SIK2: variants seen among roughly 807,000 people sequenced by gnomAD.
The protein encoded by SIK2 is salt inducible kinase 2.
In SIK2, 29 loss-of-function variants were observed where a neutral mutation model predicts 103.2. The observed-to-expected ratio is 0.28, with a 90% CI of 0.21 to 0.38. SIK2 has a LOEUF of 0.38. Ranked by LOEUF, SIK2 falls within the 10% of genes least tolerant of loss-of-function variation. The pLI is 1.00. For missense variants in SIK2, 879 were observed against 1,171.0 expected (o/e 0.75, Z 3.64); for synonymous variants, 412 against 446.1 (o/e 0.92, Z 0.96).
chr11:111,644,349 T>A (rs1487094827), intron 3 of SIK2, among the ~76,000 whole-genome samples: 2 of 151,790 alleles, frequency 1.3e-5, no homozygotes, highest in African/African-American at 2.4e-5. Flanking sequence ...AAATCCTTAT[T>A]TTCCTGAAAG....
intron 1 of SIK2, among the ~76,000 whole-genome samples, chr11:111,607,023 A>G (rs1326537971): frequency 6.6e-6 from 1 of 152,048 alleles, no homozygotes; most frequent in Admixed American, 6.6e-5. Flanking sequence ...AAAGATAACC[A>G]TAACTAGTTA....
At chr11:111,672,316 C>T (rs1261624406) in intron 3 of SIK2, 2 of 427,006 alleles carry the variant, frequency 4.7e-6, no homozygotes, top group East Asian at 5.1e-5. Flanking sequence ...GATGCAGGCA[C>T]CAGGCCTGCT....
chr11:111,678,449 A>T (rs949957311), intron 3 of SIK2, among the ~76,000 whole-genome samples: 5 of 152,162 alleles, frequency 3.3e-5, no homozygotes, highest in African/African-American at 1.2e-4. Context: ...TGATTCCATG[A>T]GGGAGAAAGC....
chr11:111,693,142 G>C lies in SIK2; in HGVS notation c.478+4980G>C, dbSNP rs1243102535. Among the ~76,000 whole-genome samples, 4 of 152,166 alleles carry C rather than the reference G, an allele frequency of 2.6e-5. No individual in the cohort carries two copies. The East Asian group carries it at 7.7e-4, about 29-fold the overall frequency. On this transcript the variant is annotated intron_variant, in intron 4 of 14. Transcript: ENST00000304987. ...AGGGCAGGATTTCGAGACCATCCTG[G>C]CCAACATGGTGAAACCCCGTCTCTA...
intron 9 of SIK2, chr11:111,718,995 TGCGGG>T (rs1244466922): frequency 6.6e-6 from 1 of 152,292 alleles, no homozygotes; most frequent in Non-Finnish European, 1.5e-5. Flanking sequence ...GGCCAATGCT[TGCGGG>T]GAGCTGTGCT....
chr11:111,620,248 A>G (rs1941865156), intron 2 of SIK2, 91 bp from the exon 3 acceptor site: 2 of 807,890 alleles, frequency 2.5e-6, no homozygotes, highest in Non-Finnish European at 4.1e-6. Flanking sequence ...TGATTCTTTT[A>G]TTAGTAGTTT....
At chr11:111,707,084 C>G (rs1360017126) in intron 8 of SIK2, among the ~76,000 whole-genome samples, 1 of 151,808 alleles carries the variant, frequency 6.6e-6, no homozygotes, top group East Asian at 1.9e-4. Flanking sequence ...AATGGTATTG[C>G]TTTCAAGACC....
At chr11:111,657,367 T>A (rs1364996385) in intron 3 of SIK2, among the ~76,000 whole-genome samples, 3 of 152,128 alleles carry the variant, frequency 2.0e-5, no homozygotes, top group African/African-American at 7.2e-5. Flanking sequence ...TTAATTAGAA[T>A]ATACTGGGGG....
Position 111,663,189 on chromosome 11 carries a change from C to T in SIK2, c.317-24812C>T, listed in dbSNP as rs549902579. 8.1e-5 allele frequency among the ~76,000 whole-genome samples: 12 copies of T among 147,798 alleles called. No individual in the cohort carries two copies. The South Asian group carries it at 2.6e-3, about 32-fold the overall frequency. ...TCTAGGCTGCAGTGAGTCGTGATCA[C>T]ACCACTGCACTCCAGCCTGGGCAAC... On this transcript the variant is annotated intron_variant, in intron 3 of 14. Transcript: ENST00000304987.
At chr11:111,614,620 T>C (rs1941778828) in intron 1 of SIK2, among the ~76,000 whole-genome samples, 1 of 152,150 alleles carries the variant, frequency 6.6e-6, no homozygotes, top group Admixed American at 6.6e-5. Flanking sequence ...TTGAGTGGGC[T>C]GAGGAGGAGG....
At chr11:111,608,385 C>T (rs1214513101) in intron 1 of SIK2, among the ~76,000 whole-genome samples, 1 of 152,076 alleles carries the variant, frequency 6.6e-6, no homozygotes, top group Non-Finnish European at 1.5e-5. Flanking sequence ...GATATGGTTT[C>T]CCCCAGTTAT....
rs1217039936 is a variant in SIK2 at position 111,626,374 on chromosome 11, C to CT, written c.316+5986dup. Among the ~76,000 whole-genome samples the CT allele has an allele frequency of 7.1e-3, 1,008 of 142,892 alleles. 10 individuals carry two copies. Among genetic ancestry groups the CT allele is most frequent in the African/African-American group, 0.022 (869 of 39,300 alleles). The allele number at this position is 142,892 out of a possible 152,430, so 93.7% of individuals were successfully genotyped here. On this transcript the variant is annotated intron_variant, in intron 3 of 14. Transcript: ENST00000304987. ...CTTGAAGCCCAGCAGAACTCATGATCTTTTTTTTTTTTTTACAAAACTATT... is the reference window on the plus strand; with the variant it reads ...CTTGAAGCCCAGCAGAACTCATGATCTTTTTTTTTTTTTTTACAAAACTATT...
intron 3 of SIK2, among the ~76,000 whole-genome samples, chr11:111,640,902 T>G (rs1191562637): frequency 6.6e-6 from 1 of 151,812 alleles, no homozygotes; most frequent in Admixed American, 6.6e-5. Context: ...CCTCGGCTAA[T>G]TTTTTGTATT....
intron 3 of SIK2, among the ~76,000 whole-genome samples, chr11:111,668,587 A>G (rs1942581505): frequency 6.6e-6 from 1 of 152,140 alleles, no homozygotes; most frequent in Non-Finnish European, 1.5e-5. Flanking sequence ...CAAATTAAAG[A>G]TGTCTTCAGT....
In SIK2 at chr11:111,666,948, TTTATTTATTTA is replaced by T. The variant is rs1217988659; in HGVS notation, c.317-21050_317-21040del. 8.4e-3 allele frequency among the ~76,000 whole-genome samples: 78 copies of T among 9,260 alleles called. 1 individual carries two copies. In the East Asian group the frequency reaches 0.5, roughly 59 times the overall value. 6.1% of individuals were successfully genotyped at this position (9,260 alleles called of 152,430 possible). A position where few individuals can be genotyped will look rare whatever the true frequency, so the allele number is the denominator to read the frequency against. On this transcript the variant is annotated intron_variant, in intron 3 of 14. Transcript: ENST00000304987. ...TCATTATCTTTTTTATTTTATTTTATTTATTTATTTATTTATTTATTTATTTATTTATTTAT... is the reference window on the plus strand; with the variant it reads ...TCATTATCTTTTTTATTTTATTTTATTTTATTTATTTATTTATTTATTTAT...
intron 3 of SIK2, among the ~76,000 whole-genome samples, chr11:111,652,464 G>C (rs1942339729): frequency 6.6e-6 from 1 of 152,048 alleles, no homozygotes. Flanking sequence ...TCATCTTGGG[G>C]CTTCCTTTTG....
intron 1 of SIK2, among the ~76,000 whole-genome samples, chr11:111,609,527 G>A (rs2135829790): frequency 6.6e-6 from 1 of 152,224 alleles, no homozygotes; most frequent in South Asian, 2.1e-4. Context: ...TTGCCATGTT[G>A]CCCAAGCTGT....
chr11:111,619,556 G>A (rs1036120583), intron 2 of SIK2, among the ~76,000 whole-genome samples: 3 of 152,068 alleles, frequency 2.0e-5, no homozygotes, highest in Non-Finnish European at 4.4e-5. Flanking sequence ...TGTTGGCCAG[G>A]CTGGTGTCGA....
In SIK2 at chr11:111,602,789, G is replaced by T. The variant is rs998757238; in HGVS notation, c.135+91G>T. The T allele has an allele frequency of 4.3e-6, 6 of 1,395,278 alleles. No homozygotes were observed. The South Asian group carries it at 9.2e-5, about 21-fold the overall frequency. 86.4% of individuals were successfully genotyped at this position (1,395,278 alleles called of 1,614,324 possible). On this transcript the variant is annotated intron_variant, in intron 1 of 14. Transcript: ENST00000304987. This position sits in a 1 kb window ranked among gnomAD's most constrained non-coding sequence, Gnocchi z 4.5. Reference sequence around the variant, plus strand: ...GGGGCGGCCGCAGTGGTGGGACCGGGGAGACCCGAGAGGCCGCCTCACTGG... The same window carrying T: ...GGGGCGGCCGCAGTGGTGGGACCGGTGAGACCCGAGAGGCCGCCTCACTGG...
Sources: gnomAD v4.1 joint callset for allele counts (sites outside exome capture counted in the v4.1 genomes callset) on GRCh38, gnomAD v4.1.1 for gene constraint, Gnocchi (gnomAD v3.1) non-coding constraint, MANE v1.5 for transcripts, NCBI Gene and HGNC (gene_info 2026-07-23, HGNC 2026-07-21) for gene names.